REPS2: variants seen among roughly 807,000 people sequenced by gnomAD.
REPS2 encodes the protein RALBP1 associated Eps domain containing 2, also known as ralBP1-associated Eps domain-containing protein 2.
In REPS2, 23 loss-of-function variants were observed where a neutral mutation model predicts 53.6. The observed-to-expected ratio is 0.43, with a 90% CI of 0.31 to 0.61. REPS2 has a LOEUF of 0.61. Ranked by LOEUF, REPS2 falls within the 20% of genes least tolerant of loss-of-function variation. REPS2 has a pLI of 0.11. For synonymous variants in REPS2, 238 were observed against 218.6 expected (o/e 1.09, Z -0.78); for missense variants, 446 against 534.9 (o/e 0.83, Z 1.64).
At chrX:17,038,931 GTC>G (rs1422189102) in intron 5 of REPS2, among the ~76,000 whole-genome samples, 1 of 112,182 alleles carries the variant, frequency 8.9e-6, no homozygotes, top group Non-Finnish European at 1.9e-5. Context: ...TGGAACCCAA[GTC>G]TGTCTGCCTC....
chrX:17,029,925 C>T (rs1280039777), intron 5 of REPS2, among the ~76,000 whole-genome samples: 1 of 112,063 alleles, frequency 8.9e-6, no homozygotes. Flanking sequence ...AGGAGAGCTT[C>T]ACTTTTTCTA....
In REPS2 at chrX:16,964,175, C is replaced by T. The variant is rs374986894; in HGVS notation, c.273+17041C>T. 4.9e-3 allele frequency among the ~76,000 whole-genome samples: 531 copies of T among 107,311 alleles called. 5 individuals carry two copies. The highest frequency in any genetic ancestry group is 0.017 in the African/African-American group (508 of 29,218). The allele number at this position is 107,311 out of a possible 115,157, so 93.2% of individuals were successfully genotyped here. ...GGTTTTCCTAGGCAGAGGACCCTGCCGCCTTCCGCAGTGTTTGTGTCCCTG... is the reference window on the plus strand; with the variant it reads ...GGTTTTCCTAGGCAGAGGACCCTGCTGCCTTCCGCAGTGTTTGTGTCCCTG... On this transcript the variant is annotated intron_variant, in intron 1 of 17. Transcript: ENST00000357277.
downstream of REPS2, among the ~76,000 whole-genome samples, chrX:17,157,230 A>G (rs2063620915): frequency 9.0e-6 from 1 of 111,619 alleles, no homozygotes; most frequent in African/African-American, 3.3e-5. Context: ...TTTATATGAT[A>G]AGAACACCCC....
At chrX:17,139,591 G>A (rs1473643131) in intron 17 of REPS2, among the ~76,000 whole-genome samples, 1 of 111,379 alleles carries the variant, frequency 9.0e-6, no homozygotes, top group Non-Finnish European at 1.9e-5. Flanking sequence ...AACCAAAAAT[G>A]ATTCTCTCAC....
chrX:16,996,244 A>C (rs947507122), intron 1 of REPS2, among the ~76,000 whole-genome samples: 1 of 111,810 alleles, frequency 8.9e-6, no homozygotes, highest in African/African-American at 3.3e-5. Flanking sequence ...TCAGTCATGG[A>C]AAGAGGTCAG....
At chrX:17,085,707 G>T (rs952189235) in intron 13 of REPS2, among the ~76,000 whole-genome samples, 1 of 110,931 alleles carries the variant, frequency 9.0e-6, no homozygotes, top group African/African-American at 3.3e-5. Context: ...CTATATGCTG[G>T]CTGCTCTGTT....
chrX:17,178,330 C>T, the REPS2 span, among the ~76,000 whole-genome samples: 1 of 112,244 alleles, frequency 8.9e-6, no homozygotes, highest in African/African-American at 3.2e-5. Flanking sequence ...TTCTTCCAGT[C>T]TCCTGGTTTG....
chrX:17,110,985 G>A (rs1478579995), intron 14 of REPS2, among the ~76,000 whole-genome samples: 2 of 111,897 alleles, frequency 1.8e-5, no homozygotes, highest in African/African-American at 3.3e-5. Context: ...CTGCACTCCA[G>A]CGTGGGTGAC....
intron 1 of REPS2, among the ~76,000 whole-genome samples, chrX:16,968,721 A>C (rs1314301082): frequency 2.4e-5 from 2 of 83,462 alleles, no homozygotes; most frequent in African/African-American, 9.3e-5. Context: ...TCCCTCCCGG[A>C]CGGGGCGGCC....
chrX:17,165,906 T>A, the REPS2 span, among the ~76,000 whole-genome samples: 1 of 111,394 alleles, frequency 9.0e-6, no homozygotes, highest in Non-Finnish European at 1.9e-5. Context: ...CACTGATATA[T>A]ATGTGAACAA....
In REPS2 at chrX:17,146,122, AAAAG is replaced by A. The variant is rs1159285675; in HGVS notation, c.1915-1279_1915-1276del. Among the ~76,000 whole-genome samples the A allele has an allele frequency of 1.3e-4, 14 of 107,844 alleles. No individual in the cohort carries two copies. The East Asian group carries it at 2.0e-3, about 16-fold the overall frequency. 93.6% of individuals were successfully genotyped at this position (107,844 alleles called of 115,157 possible). On this transcript the variant is annotated intron_variant, in intron 17 of 17. Coordinates refer to ENST00000357277, the MANE Select transcript of REPS2 (RefSeq NM_004726.3). ...AGACTCTGTCTCAGAAAAAAAAAAA[AAAAG>A]AAAGAAAGAAACCCTCAATGCCATC...
chrX:17,090,056 G>T (rs1199271289), intron 13 of REPS2, among the ~76,000 whole-genome samples: 1 of 111,916 alleles, frequency 8.9e-6, no homozygotes, highest in Admixed American at 9.5e-5. Context: ...TTATCTTTTT[G>T]ATTATCCTAC....
downstream of REPS2, among the ~76,000 whole-genome samples, chrX:17,156,110 C>T (rs1238096058): frequency 1.8e-5 from 2 of 111,817 alleles, no homozygotes; most frequent in East Asian, 2.8e-4. Context: ...CCTGCCGTAT[C>T]GTTTTTCAAA....
chrX:17,020,621 T>C (rs1422630425), intron 2 of REPS2, among the ~76,000 whole-genome samples: 1 of 103,602 alleles, frequency 9.7e-6, no homozygotes, highest in Non-Finnish European at 2.0e-5. Flanking sequence ...ATTTGTCATA[T>C]TGCCTGCTTC....
intron 13 of REPS2, among the ~76,000 whole-genome samples, chrX:17,083,100 T>C (rs2062479529): frequency 1.0e-5 from 1 of 100,080 alleles, no homozygotes; most frequent in Non-Finnish European, 2.0e-5. Flanking sequence ...TTTTTTTTTT[T>C]GAGATGAAGT....
chrX:17,160,994 A>T, the REPS2 span, among the ~76,000 whole-genome samples: 1 of 112,195 alleles, frequency 8.9e-6, no homozygotes, highest in African/African-American at 3.2e-5. Flanking sequence ...TTATATCCTG[A>T]GCCATATCTG....
chrX:17,000,261 A>T (rs998088345), intron 1 of REPS2, among the ~76,000 whole-genome samples: 1 of 111,013 alleles, frequency 9.0e-6, no homozygotes. Context: ...GAAGGTGAAT[A>T]CATGTGTTTT....
intron 14 of REPS2, among the ~76,000 whole-genome samples, chrX:17,107,315 T>C (rs1218288086): frequency 8.9e-6 from 1 of 112,318 alleles, no homozygotes; most frequent in African/African-American, 3.2e-5. Context: ...TCAGACCAGC[T>C]TGTGTTGATT....
At chrX:17,176,768 G>A in the REPS2 span, among the ~76,000 whole-genome samples, 1 of 112,630 alleles carries the variant, frequency 8.9e-6, no homozygotes, top group Non-Finnish European at 1.9e-5. Context: ...ACACCCAAGT[G>A]GCACTTTGGC....
Sources: allele counts gnomAD v4.1 joint callset (sites outside exome capture counted in the v4.1 genomes callset), GRCh38; gene constraint gnomAD v4.1.1; transcripts MANE v1.5; gene names NCBI Gene and HGNC (gene_info 2026-07-23, HGNC 2026-07-21).